ANKRD6: variants seen among roughly 807,000 people sequenced by gnomAD.
ANKRD6 encodes the protein ankyrin repeat domain 6, also known as ankyrin repeat domain-containing protein 6.
ANKRD6 carries 56 observed loss-of-function variants against 82.3 expected under a neutral mutation model. That is an observed-to-expected ratio of 0.68 (90% CI 0.55 to 0.85). The LOEUF (loss-of-function observed/expected upper bound fraction) is 0.85, where lower values mean the gene tolerates loss of function less well. Among genes scored for constraint, ANKRD6 ranks in the 40% least tolerant of loss-of-function variants. The pLI is 0.00. For synonymous variants in ANKRD6, 347 were observed against 352.1 expected, an observed-to-expected ratio of 0.99 and a Z score of 0.16; for missense variants, 852 against 907.6, an observed-to-expected ratio of 0.94 and a Z score of 0.79.
chr6:89,547,482 G>A (rs986789513), intron 1 of ANKRD6, among the ~76,000 whole-genome samples: 1 of 152,170 alleles, frequency 6.6e-6, no homozygotes, highest in African/African-American at 2.4e-5. Context: ...GCCTCCGGGG[G>A]TGTCACCTGC....
intron 1 of ANKRD6, among the ~76,000 whole-genome samples, chr6:89,472,950 G>T (rs1477453355): frequency 6.6e-6 from 1 of 152,120 alleles, no homozygotes; most frequent in Non-Finnish European, 1.5e-5. Flanking sequence ...TTATTTAATA[G>T]AGTTTCTTTA....
At chr6:89,542,434 A>T (rs1180833764) in intron 1 of ANKRD6, among the ~76,000 whole-genome samples, 4 of 152,142 alleles carry the variant, frequency 2.6e-5, no homozygotes, top group African/African-American at 7.2e-5. Context: ...TCTTTCATTT[A>T]TCTCTATGCT....
At chr6:89,613,289 G>C (rs1400487420) in intron 6 of ANKRD6, among the ~76,000 whole-genome samples, 1 of 152,104 alleles carries the variant, frequency 6.6e-6, no homozygotes, top group Non-Finnish European at 1.5e-5. Flanking sequence ...AACTGAAGTG[G>C]GATACTCCTT....
chr6:89,451,964 A>G (rs1772878055), intron 1 of ANKRD6, among the ~76,000 whole-genome samples: 1 of 152,202 alleles, frequency 6.6e-6, no homozygotes, highest in Non-Finnish European at 1.5e-5. Context: ...TGGGAAGCCA[A>G]GGCAGGAGGA....
chr6:89,593,768 T>C (rs951367982), intron 2 of ANKRD6, among the ~76,000 whole-genome samples: 2 of 152,208 alleles, frequency 1.3e-5, no homozygotes, highest in Admixed American at 6.5e-5. Context: ...GAATGTTTCT[T>C]CACAGTGAAA....
In ANKRD6 at chr6:89,631,874, G is replaced by A. The variant is rs1393842017; in HGVS notation, c.*870G>A. On this transcript the variant is annotated 3_prime_UTR_variant, in exon 16 of 16. Transcript: ENST00000339746. The stretch of plus-strand genomic sequence containing the variant: ...TTGCTCTACATTTTATAATGAATAA[G>A]GCTATTTTTTGAAAGTATTTCATTT... 1 of 152,106 alleles carries A rather than the reference G, an allele frequency of 6.6e-6. No homozygotes were observed. Among genetic ancestry groups the A allele is most frequent in the Non-Finnish European group, 1.5e-5 (1 of 68,026 alleles). 9.4% of individuals were successfully genotyped at this position (152,106 alleles called of 1,614,324 possible).
chr6:89,482,440 C>T (rs561039584), intron 1 of ANKRD6, among the ~76,000 whole-genome samples: 46 of 152,232 alleles, frequency 3.0e-4, no homozygotes, highest in Non-Finnish European at 6.0e-4. Context: ...CTTTTTAAAT[C>T]AATTTTTTTA....
Position 89,462,233 on chromosome 6 carries a change from A to AAATAATAATAAT in ANKRD6, c.-144+28885_-144+28896dup, listed in dbSNP as rs200608840. ...GGCAACAGAGTGAGACTCCATCTCA[A>AAATAATAATAAT]AATAATAATAATAATAATAATAATA... On this transcript the variant is annotated intron_variant, in intron 1 of 15. Transcript: ENST00000339746. Among the ~76,000 whole-genome samples the AAATAATAATAAT allele has an allele frequency of 3.2e-3, 343 of 106,026 alleles. 3 individuals carry two copies. Among genetic ancestry groups the AAATAATAATAAT allele is most frequent in the African/African-American group, 9.8e-3 (274 of 28,008 alleles). 69.6% of individuals were successfully genotyped at this position (106,026 alleles called of 152,430 possible).
intron 6 of ANKRD6, 52 bp from the exon 7 acceptor site, chr6:89,613,740 A>T: frequency 6.6e-7 from 1 of 1,521,894 alleles, no homozygotes; most frequent in African/African-American, 1.4e-5. Context: ...ACTTTTCTCT[A>T]TTTGTTTTGT....
chr6:89,468,305 G>A (rs1322016918), intron 1 of ANKRD6, among the ~76,000 whole-genome samples: 1 of 151,878 alleles, frequency 6.6e-6, no homozygotes, highest in Non-Finnish European at 1.5e-5. Flanking sequence ...TTTATTTGAA[G>A]GTAAAAATAG....
intron 2 of ANKRD6, among the ~76,000 whole-genome samples, chr6:89,591,914 A>G (rs1033680574): frequency 2.6e-5 from 4 of 152,310 alleles, no homozygotes; most frequent in African/African-American, 9.6e-5. Flanking sequence ...CTCCTGTACC[A>G]TTGTAGCTCA....
intron 1 of ANKRD6, among the ~76,000 whole-genome samples, chr6:89,522,753 A>G (rs1027012129): frequency 3.3e-5 from 5 of 152,136 alleles, no homozygotes; most frequent in African/African-American, 1.2e-4. Flanking sequence ...GAAATTTCCC[A>G]TAGAATTTGT....
chr6:89,556,029 C>T (rs1786548289), intron 1 of ANKRD6, among the ~76,000 whole-genome samples: 1 of 152,166 alleles, frequency 6.6e-6, no homozygotes, highest in Admixed American at 6.5e-5. Context: ...ACATAAAACA[C>T]TCTGACAAGA....
intron 1 of ANKRD6, among the ~76,000 whole-genome samples, chr6:89,473,089 G>T (rs1031852901): frequency 3.3e-5 from 5 of 152,038 alleles, no homozygotes; most frequent in African/African-American, 9.7e-5. Context: ...TAGGTCTAGA[G>T]AATTTATTTA....
chr6:89,568,175 G>C (rs993192006), intron 2 of ANKRD6: 8 of 152,192 alleles, frequency 5.3e-5, no homozygotes, highest in African/African-American at 1.7e-4. Flanking sequence ...TCTACCCATA[G>C]CACTTTCCAG....
intron 1 of ANKRD6, among the ~76,000 whole-genome samples, chr6:89,437,415 T>G (rs1045735526): frequency 6.6e-6 from 1 of 152,208 alleles, no homozygotes; most frequent in African/African-American, 2.4e-5. Context: ...AGAATGAACA[T>G]CTTGGACTTC....
chr6:89,615,130 A>T (rs1179907), intron 7 of ANKRD6, among the ~76,000 whole-genome samples: 1 of 151,164 alleles, frequency 6.6e-6, no homozygotes, highest in Non-Finnish European at 1.5e-5. Flanking sequence ...ACATTGTTTC[A>T]CTTTTCTTTG....
chr6:89,583,352 C>A (rs1231920861), intron 2 of ANKRD6, among the ~76,000 whole-genome samples: 1 of 152,174 alleles, frequency 6.6e-6, no homozygotes, highest in Admixed American at 6.5e-5. Flanking sequence ...TATGGGAAAG[C>A]AAACATATGC....
chr6:89,617,884 G>C (rs1379676692), intron 8 of ANKRD6, 70 bp from the exon 9 acceptor site: 22 of 1,478,934 alleles, frequency 1.5e-5, no homozygotes, highest in Non-Finnish European at 2.1e-5. Flanking sequence ...GGCCAGAGCT[G>C]TGCCAGCTGG....
Sources: allele counts gnomAD v4.1 joint callset (sites outside exome capture counted in the v4.1 genomes callset), GRCh38; gene constraint gnomAD v4.1.1; transcripts MANE v1.5; gene names NCBI Gene and HGNC (gene_info 2026-07-23, HGNC 2026-07-21).